KANSL1: variants seen among roughly 807,000 people sequenced by gnomAD.
KANSL1 encodes the protein KAT8 regulatory NSL complex subunit 1, also known as MLL1/MLL complex subunit KANSL1.
A neutral mutation model predicts 103.6 loss-of-function variants in KANSL1; 22 were observed. The observed-to-expected ratio is 0.21, with a 90% CI of 0.15 to 0.30. The LOEUF (loss-of-function observed/expected upper bound fraction) is 0.30. KANSL1 is among the 10% of genes least tolerant of loss of function. KANSL1 has a pLI of 1.00. For synonymous variants in KANSL1, 600 were observed against 527.6 expected, an observed-to-expected ratio of 1.14 and a Z score of -1.88; for missense variants, 1,337 against 1,399.8, an observed-to-expected ratio of 0.96 and a Z score of 0.72.
chr17:46,146,692 G>A (rs907872036), intron 2 of KANSL1, among the ~76,000 whole-genome samples: 3 of 144,414 alleles, frequency 2.1e-5, no homozygotes, highest in Non-Finnish European at 3.2e-5. Context: ...AATTAGCCGG[G>A]CGTAGTGGCG....
intron 1 of KANSL1, among the ~76,000 whole-genome samples, chr17:46,176,608 C>A (rs2046530606): frequency 6.6e-6 from 1 of 151,956 alleles, no homozygotes; most frequent in African/African-American, 2.4e-5. Flanking sequence ...TGAGAATCAC[C>A]TGAACCCAGG....
chr17:46,196,891 G>A (rs981552692), upstream of KANSL1, among the ~76,000 whole-genome samples: 1 of 152,138 alleles, frequency 6.6e-6, no homozygotes, highest in South Asian at 2.1e-4. Context: ...AGTATTGCTT[G>A]AGCCCAGGAG....
At chr17:46,051,121 T>C (rs1400519863) in intron 6 of KANSL1, among the ~76,000 whole-genome samples, 3 of 152,228 alleles carry the variant, frequency 2.0e-5, no homozygotes, top group African/African-American at 7.2e-5. Flanking sequence ...TTACTTGCTT[T>C]CTTCAGCAAA....
intron 7 of KANSL1, among the ~76,000 whole-genome samples, chr17:46,046,779 G>C (rs1268777775): frequency 1.4e-5 from 2 of 147,702 alleles, no homozygotes; most frequent in Non-Finnish European, 3.0e-5. Context: ...GGAGGTTGCA[G>C]TGACCCGAGA....
intron 2 of KANSL1, among the ~76,000 whole-genome samples, chr17:46,127,102 A>G (rs561655458): frequency 1.7e-3 from 262 of 152,324 alleles, no homozygotes; most frequent in Middle Eastern, 6.8e-3. Flanking sequence ...TCATATTTAA[A>G]TAAATGTCCT....
intron 2 of KANSL1, among the ~76,000 whole-genome samples, chr17:46,146,389 G>A (rs1219409381): frequency 2.6e-5 from 4 of 152,164 alleles, no homozygotes; most frequent in African/African-American, 9.7e-5. Context: ...GTGACTGACT[G>A]GCCAAGCTGG....
chr17:46,060,805 A>G (rs970716563), intron 6 of KANSL1, among the ~76,000 whole-genome samples: 2 of 152,208 alleles, frequency 1.3e-5, no homozygotes, highest in African/African-American at 4.8e-5. Flanking sequence ...ACCTGGTCAT[A>G]GCCATGAGAG....
chr17:46,032,028 C>T lies in KANSL1; in HGVS notation c.3090+19G>A. The T allele has an allele frequency of 6.2e-7, 1 of 1,613,838 alleles. No homozygotes were observed. The highest frequency in any genetic ancestry group is 1.7e-4 in the Middle Eastern group (1 of 5,870). On this transcript the variant is annotated intron_variant, in intron 14 of 14. Transcript: ENST00000432791. ...ATCCCCCAACCATGCCAACCCCACC[C>T]AAAGGCTGCGTCCCTTACCTGTTCA...
chr17:46,205,838 T>G (rs1466610461), intron 1 of KANSL1, among the ~76,000 whole-genome samples: 2 of 151,894 alleles, frequency 1.3e-5, no homozygotes, highest in African/African-American at 4.8e-5. Context: ...AGCACTTTGG[T>G]AGACTGAAGT....
chr17:46,042,750 T>A (rs1016028350), intron 7 of KANSL1: 1 of 150,342 alleles, frequency 6.7e-6, no homozygotes, highest in African/African-American at 2.5e-5. Flanking sequence ...GACTGAATGT[T>A]AGGCCTTCCA....
intron 1 of KANSL1, among the ~76,000 whole-genome samples, chr17:46,205,644 G>A (rs2047941264): frequency 7.3e-6 from 1 of 136,372 alleles, no homozygotes; most frequent in Admixed American, 8.6e-5. Context: ...TCACACCACT[G>A]TACTTTAGCC....
chr17:46,185,564 G>A (rs964320748), intron 1 of KANSL1, among the ~76,000 whole-genome samples: 8 of 151,888 alleles, frequency 5.3e-5, no homozygotes, highest in Non-Finnish European at 1.0e-4. Context: ...ACTCAAAGAT[G>A]TATACACAAT....
chr17:46,054,311 C>T lies in KANSL1; in HGVS notation c.1849-3607G>A, dbSNP rs1021504015. Reference sequence around the variant, plus strand: ...TCAGATGATCCACCCGTATCAGCTTCCCAAAGTGCTGGGATTACAGGCGTG... The same window carrying T: ...TCAGATGATCCACCCGTATCAGCTTTCCAAAGTGCTGGGATTACAGGCGTG... On this transcript the variant is annotated intron_variant, in intron 6 of 14. Transcript: ENST00000432791. Among the ~76,000 whole-genome samples, 4 of 152,186 alleles carry T rather than the reference C, an allele frequency of 2.6e-5. 1 individual carries two copies. The highest frequency in any genetic ancestry group is 7.2e-5 in the African/African-American group (3 of 41,430).
At chr17:46,177,324 G>A (rs1323648920) in intron 1 of KANSL1, among the ~76,000 whole-genome samples, 2 of 152,202 alleles carry the variant, frequency 1.3e-5, no homozygotes, top group African/African-American at 2.4e-5. Flanking sequence ...GCTTTTTAAT[G>A]CACCTAGTTT....
At position 46,093,403 on chromosome 17, in the gene KANSL1, ACT is replaced by A. The variant is rs1318673848; in HGVS notation, c.1431+1155_1431+1156del. The A allele has an allele frequency of 3.9e-5, 6 of 152,534 alleles. No homozygotes were observed. In the South Asian group the frequency reaches 8.3e-4, roughly 21 times the overall value. The allele number at this position is 152,534 out of a possible 1,614,324, so 9.4% of individuals were successfully genotyped here. On this transcript the variant is annotated intron_variant, in intron 3 of 14. Transcript: ENST00000432791. ...TTTGTATGCTACCCTAAGGGAACAA[ACT>A]AGTAAGAATAAAAAAGTGAGCCCTC...
chr17:46,056,323 A>G (rs1038264102), intron 6 of KANSL1, among the ~76,000 whole-genome samples: 4 of 152,180 alleles, frequency 2.6e-5, no homozygotes, highest in East Asian at 1.9e-4. Flanking sequence ...AAATATAAAA[A>G]CAAATATTAT....
intron 2 of KANSL1, among the ~76,000 whole-genome samples, chr17:46,126,938 T>G (rs77095128): frequency 0.14 from 21,584 of 151,908 alleles, 2,077 homozygotes; most frequent in Non-Finnish European, 0.22. Context: ...CTGTAACCAG[T>G]AACATCCAGC....
chr17:46,118,865 T>C (rs575310883), intron 2 of KANSL1, among the ~76,000 whole-genome samples: 6 of 152,372 alleles, frequency 3.9e-5, no homozygotes, highest in South Asian at 2.1e-4. Flanking sequence ...CTAGATTAAG[T>C]TGCTAGTCCA....
chr17:46,051,684 A>G (rs568599321), intron 6 of KANSL1, among the ~76,000 whole-genome samples: 11 of 152,350 alleles, frequency 7.2e-5, no homozygotes, highest in South Asian at 2.1e-4. Flanking sequence ...GAATGGCACT[A>G]TAAGAAGGCA....
Sources: allele counts gnomAD v4.1 joint callset (sites outside exome capture counted in the v4.1 genomes callset), GRCh38; gene constraint gnomAD v4.1.1; transcripts MANE v1.5; gene names NCBI Gene and HGNC (gene_info 2026-07-23, HGNC 2026-07-21).